VPS13A: variants seen among roughly 807,000 people sequenced by gnomAD.
VPS13A encodes the protein vacuolar protein sorting 13 homolog A.
In VPS13A, 264 loss-of-function variants were observed where a neutral mutation model predicts 390.9. The ratio of observed to expected loss-of-function variants is 0.68; its 90% CI spans 0.61 to 0.75. The LOEUF (loss-of-function observed/expected upper bound fraction) is 0.75. Ranked by LOEUF, VPS13A falls within the 30% of genes least tolerant of loss-of-function variation. The pLI, the probability that VPS13A is intolerant of heterozygous loss-of-function variation, is 0.00. For missense variants in VPS13A, 3,409 were observed against 3,733.9 expected (o/e 0.91, Z 2.27); for synonymous variants, 1,231 against 1,227.1 (o/e 1.00, Z -0.07).
intron 1 of VPS13A, among the ~76,000 whole-genome samples, chr9:77,195,668 C>T (rs1037379426): frequency 3.9e-5 from 6 of 152,046 alleles, no homozygotes; most frequent in African/African-American, 4.8e-5. Context: ...TCCCAGGAGG[C>T]GGAGGTTGCA....
At chr9:77,240,478 G>GTTTTTTTTTT (rs11351060) in intron 19 of VPS13A, among the ~76,000 whole-genome samples, 1 of 126,066 alleles carries the variant, frequency 7.9e-6, no homozygotes, top group Non-Finnish European at 1.6e-5. Flanking sequence ...TTATGTTTTT[G>GTTTTTTTTTT]TTTTTTTTTT....
chr9:77,368,031 A>G (rs1440297260), intron 61 of VPS13A, 24 bp from the exon 62 acceptor site: 2 of 1,594,426 alleles, frequency 1.3e-6, no homozygotes, highest in Non-Finnish European at 8.6e-7. Flanking sequence ...ATGTACAGAC[A>G]ATATATTTTT....
chr9:77,399,189 A>AT (rs1834260134), intron 68 of VPS13A, among the ~76,000 whole-genome samples: 4 of 136,314 alleles, frequency 2.9e-5, no homozygotes, highest in Non-Finnish European at 4.8e-5. Context: ...AATAAAAAAA[A>AT]AAAAAAAAAA....
chr9:77,253,043 G>A (rs1022586012), intron 22 of VPS13A, among the ~76,000 whole-genome samples: 2 of 152,170 alleles, frequency 1.3e-5, no homozygotes, highest in African/African-American at 2.4e-5. Flanking sequence ...TTAAGTTTTA[G>A]AGGAGTGCTG....
intron 67 of VPS13A, among the ~76,000 whole-genome samples, chr9:77,379,532 G>C (rs550427344): frequency 2.6e-5 from 4 of 152,002 alleles, no homozygotes; most frequent in African/African-American, 9.6e-5. Flanking sequence ...GAGCCACCAC[G>C]CCCGGCCATT....
At chr9:77,392,785 A>G (rs907863013) in intron 68 of VPS13A, among the ~76,000 whole-genome samples, 8 of 148,630 alleles carry the variant, frequency 5.4e-5, no homozygotes, top group Non-Finnish European at 8.9e-5. Flanking sequence ...CTATATATAT[A>G]CACACCTTAA....
chr9:77,299,225 T>G (rs1828193846), intron 33 of VPS13A, among the ~76,000 whole-genome samples: 1 of 152,168 alleles, frequency 6.6e-6, no homozygotes, highest in South Asian at 2.1e-4. Flanking sequence ...TTGCTTAGGA[T>G]TGTCTTGGCT....
chr9:77,366,640 G>A, intron 60 of VPS13A, 87 bp from the exon 61 acceptor site: 1 of 1,191,892 alleles, frequency 8.4e-7, no homozygotes, highest in Non-Finnish European at 1.2e-6. Flanking sequence ...ATGGTGTAGT[G>A]AATTTAAAAT....
intron 37 of VPS13A, 58 bp downstream of exon 37, chr9:77,314,722 A>C: frequency 6.5e-7 from 1 of 1,540,700 alleles, no homozygotes; most frequent in Non-Finnish European, 8.9e-7. Flanking sequence ...TATATTTTAC[A>C]GAATTCATCT....
intron 6 of VPS13A, among the ~76,000 whole-genome samples, 167 bp downstream of exon 6, chr9:77,209,699 T>G (rs2131141135): frequency 6.6e-6 from 1 of 152,320 alleles, no homozygotes; most frequent in South Asian, 2.1e-4. Flanking sequence ...TTTGCAGTCC[T>G]TAGTGTTGAG....
chr9:77,413,166 C>G (rs1835018079), intron 71 of VPS13A, among the ~76,000 whole-genome samples: 1 of 152,196 alleles, frequency 6.6e-6, no homozygotes, highest in Non-Finnish European at 1.5e-5. Flanking sequence ...AATGCCCATA[C>G]TGCCCAAGGT....
At chr9:77,290,096 A>G (rs1032650907) in intron 31 of VPS13A, among the ~76,000 whole-genome samples, 3 of 152,094 alleles carry the variant, frequency 2.0e-5, no homozygotes, top group Non-Finnish European at 2.9e-5. Flanking sequence ...CTCATTTTTT[A>G]TAATGCAGGT....
At chr9:77,241,560 CTTTTGT>C (rs1824500211) in intron 19 of VPS13A, among the ~76,000 whole-genome samples, 1 of 150,248 alleles carries the variant, frequency 6.7e-6, no homozygotes, top group Non-Finnish European at 1.5e-5. Context: ...TATCTTCTGT[CTTTTGT>C]TTTTGTTGGT....
intron 59 of VPS13A, among the ~76,000 whole-genome samples, chr9:77,360,869 G>C (rs1052247313): frequency 6.6e-6 from 1 of 151,978 alleles, no homozygotes; most frequent in Admixed American, 6.5e-5. Context: ...AGGATAATTT[G>C]TCATGTTCAC....
intron 2 of VPS13A, 70 bp from the exon 3 acceptor site, chr9:77,201,295 A>G (rs1825316985): frequency 9.5e-7 from 1 of 1,057,092 alleles, no homozygotes; most frequent in Non-Finnish European, 1.4e-6. Context: ...TTGGAAGTAA[A>G]GAGTATTCAT....
intron 17 of VPS13A, among the ~76,000 whole-genome samples, chr9:77,235,074 G>C (rs1332410554): frequency 6.6e-6 from 1 of 152,114 alleles, no homozygotes; most frequent in African/African-American, 2.4e-5. Context: ...AAAAAGAGGA[G>C]TTAAAAACCA....
chr9:77,307,878 T>A (rs546923035), intron 34 of VPS13A, 67 bp from the exon 35 acceptor site: 1 of 1,313,560 alleles, frequency 7.6e-7, no homozygotes, highest in East Asian at 2.5e-5. Flanking sequence ...TCTGAGAATT[T>A]TAACTGCAGT....
chr9:77,196,711 G>GTA lies in VPS13A; in HGVS notation c.101-3225_101-3224dup, dbSNP rs553356058. 1.4e-4 allele frequency among the ~76,000 whole-genome samples: 21 copies of GTA among 151,148 alleles called. No individual in the cohort carries two copies. The East Asian group carries it at 2.1e-3, about 15-fold the overall frequency. On this transcript the variant is annotated intron_variant, in intron 1 of 71. Transcript: ENST00000360280. ...TAAATGGGGAATAGTATTTCACTGT[G>GTA]TATATATATACCACATTTTCTTTAG...
Position 77,339,775 on chromosome 9 carries a change from G to T in VPS13A, c.6638G>T (p.Ser2213Ile). The change falls in exon 48 of 72, where the codon AGT becomes ATT. Residue 2213 changes from serine (S) to isoleucine (I), a missense_variant. Ser to Ile is a moderately radical substitution (Grantham distance 142). Coordinates refer to ENST00000360280, the MANE Select transcript of VPS13A (RefSeq NM_033305.3). Reference sequence around the variant, plus strand: ...GGTCAGACAGTTGTGGCATTTCATAGTCCTTATTGGATGGTCAATAAAACT... The same window carrying T: ...GGTCAGACAGTTGTGGCATTTCATATTCCTTATTGGATGGTCAATAAAACT... ...NTGQTVVAFHSPYWMVNKTGR... is the reference protein window; with the variant it reads ...NTGQTVVAFHIPYWMVNKTGR... The T allele has an allele frequency of 6.2e-7, 1 of 1,614,058 alleles. No homozygotes were observed. Among genetic ancestry groups the T allele is most frequent in the Non-Finnish European group, 8.5e-7 (1 of 1,179,976 alleles).
Sources: allele counts gnomAD v4.1 joint callset (sites outside exome capture counted in the v4.1 genomes callset), GRCh38; gene constraint gnomAD v4.1.1; transcripts MANE v1.5; gene names NCBI Gene and HGNC (gene_info 2026-07-23, HGNC 2026-07-21).